The following CHN1 variants were observed in gnomAD, a reference collection of about 807,000 sequenced individuals.
The protein encoded by CHN1 is N-chimaerin.
CHN1 carries 37 observed loss-of-function variants against 59.5 expected under a neutral mutation model. The observed-to-expected ratio is 0.62, with a 90% CI of 0.48 to 0.82. CHN1 has a LOEUF of 0.82. Among genes scored for constraint, CHN1 ranks in the 40% least tolerant of loss-of-function variants. The pLI is 0.00. For missense variants in CHN1, 469 were observed against 571.0 expected (o/e 0.82, Z 1.82); for synonymous variants, 206 against 200.4 (o/e 1.03, Z -0.24).
intron 6 of CHN1, among the ~76,000 whole-genome samples, chr2:174,852,132 T>A (rs939757627): frequency 1.0e-4 from 15 of 147,340 alleles, no homozygotes; most frequent in Non-Finnish European, 1.7e-4. Flanking sequence ...AAAAAAAAAA[T>A]ACAAAAATTA....
chr2:174,858,078 A>C (rs1263088105), intron 6 of CHN1, among the ~76,000 whole-genome samples: 1 of 152,126 alleles, frequency 6.6e-6, no homozygotes, highest in Non-Finnish European at 1.5e-5. Context: ...AATGGAGGCA[A>C]TCTAGTATAT....
chr2:174,955,527 G>A (rs137909300), intron 1 of CHN1, among the ~76,000 whole-genome samples: 10 of 151,966 alleles, frequency 6.6e-5, no homozygotes, highest in Non-Finnish European at 1.5e-4. Context: ...TACCCACTGG[G>A]TACAGTGTAC....
At chr2:174,969,272 G>C (rs1276967471) in intron 1 of CHN1, among the ~76,000 whole-genome samples, 1 of 152,120 alleles carries the variant, frequency 6.6e-6, no homozygotes, top group Non-Finnish European at 1.5e-5. Context: ...CTTTACAACT[G>C]CCTACAAAGA....
intron 1 of CHN1, among the ~76,000 whole-genome samples, chr2:174,972,493 G>A (rs1690789787): frequency 2.0e-5 from 3 of 152,160 alleles, no homozygotes; most frequent in Non-Finnish European, 2.9e-5. Context: ...TACACTTCCT[G>A]TAATATTTAG....
intron 3 of CHN1, among the ~76,000 whole-genome samples, chr2:174,926,844 G>A (rs1197362866): frequency 2.0e-5 from 3 of 151,112 alleles, no homozygotes; most frequent in Non-Finnish European, 2.9e-5. Context: ...TGCAAGCTCC[G>A]CCTCCCAGGT....
At chr2:174,995,143 A>G (rs187841755) in intron 1 of CHN1, among the ~76,000 whole-genome samples, 233 of 152,310 alleles carry the variant, frequency 1.5e-3, no homozygotes, top group African/African-American at 5.1e-3. Flanking sequence ...TTGAGTACCT[A>G]TTATGTGCCA....
chr2:174,976,366 T>C (rs1465467770), intron 1 of CHN1, among the ~76,000 whole-genome samples: 1 of 151,616 alleles, frequency 6.6e-6, no homozygotes, highest in East Asian at 2.0e-4. Context: ...GCCTCCCGAG[T>C]AGCTGGGATC....
chr2:174,809,161 G>A (rs763345540), intron 10 of CHN1, 119 bp from the exon 11 acceptor site: 15 of 896,420 alleles, frequency 1.7e-5, no homozygotes, highest in Non-Finnish European at 2.3e-5. Context: ...AGTTTTTAAC[G>A]TAAAATTTAG....
chr2:174,859,621 T>G lies in CHN1; in HGVS notation c.550-12664A>C, dbSNP rs190849197. On this transcript the variant is annotated intron_variant, in intron 6 of 12. Transcript: ENST00000409900. ...GTGATATGTCATATATACTATTTCA[T>G]TGTAACTTCCTATTCTTGTTTTTCA... Among the ~76,000 whole-genome samples, 22 of 152,328 alleles carry G rather than the reference T, an allele frequency of 1.4e-4. No individual in the cohort carries two copies. In the South Asian group the frequency reaches 3.7e-3, roughly 26 times the overall value.
intron 3 of CHN1, among the ~76,000 whole-genome samples, chr2:174,920,811 A>C (rs1688993942): frequency 6.6e-6 from 1 of 152,164 alleles, no homozygotes; most frequent in South Asian, 2.1e-4. Context: ...ATTCAAGCAC[A>C]TTGCACTTAC....
At chr2:175,004,251 G>A (rs1691988377) in intron 1 of CHN1, among the ~76,000 whole-genome samples, 1 of 152,188 alleles carries the variant, frequency 6.6e-6, no homozygotes, top group Non-Finnish European at 1.5e-5. Flanking sequence ...CAACAGTGCT[G>A]CAGTAATTAC....
intron 1 of CHN1, among the ~76,000 whole-genome samples, chr2:174,995,261 GCA>G (rs1389595750): frequency 1.3e-5 from 2 of 152,076 alleles, no homozygotes; most frequent in African/African-American, 4.8e-5. Flanking sequence ...TTTCAATTAC[GCA>G]CAGTCAACTG....
chr2:174,900,585 C>T (rs1222601635), intron 5 of CHN1, among the ~76,000 whole-genome samples: 1 of 152,204 alleles, frequency 6.6e-6, no homozygotes, highest in Non-Finnish European at 1.5e-5. Flanking sequence ...GCGGGTGGAT[C>T]ACCTGAGGTC....
At chr2:174,956,843 T>C (rs1468989027) in intron 1 of CHN1, among the ~76,000 whole-genome samples, 2 of 150,398 alleles carry the variant, frequency 1.3e-5, no homozygotes, top group East Asian at 2.0e-4. Flanking sequence ...ATGCAGCAAA[T>C]AGAGTCATTT....
At chr2:174,880,751 T>C (rs1030276448) in intron 5 of CHN1, among the ~76,000 whole-genome samples, 5 of 152,064 alleles carry the variant, frequency 3.3e-5, no homozygotes, top group African/African-American at 9.7e-5. Context: ...GTGCTAAATT[T>C]AAAAAAGTCT....
chr2:174,909,441 T>C (rs1688627149), intron 5 of CHN1, among the ~76,000 whole-genome samples: 1 of 152,186 alleles, frequency 6.6e-6, no homozygotes, highest in Non-Finnish European at 1.5e-5. Flanking sequence ...GAGATGTTAC[T>C]GGTCCAAGAA....
rs75018010 is a variant in CHN1, at chr2:174,894,787, G to A, written c.261-16659C>T. ...AGTAGTCCACCTCATACATGGTTTCGTTTTCTGTGGTTTCAGTTACCTATG... is the reference window on the plus strand; with the variant it reads ...AGTAGTCCACCTCATACATGGTTTCATTTTCTGTGGTTTCAGTTACCTATG... On this transcript the variant is annotated intron_variant, in intron 5 of 12. Coordinates refer to ENST00000409900, the MANE Select transcript of CHN1 (RefSeq NM_001822.7). 4.4e-3 allele frequency among the ~76,000 whole-genome samples: 672 copies of A among 152,088 alleles called. 12 individuals are homozygous for A. In the East Asian group the frequency reaches 0.078, roughly 18 times the overall value.
intron 7 of CHN1, among the ~76,000 whole-genome samples, chr2:174,826,692 C>T (rs569969993): frequency 6.6e-6 from 1 of 152,296 alleles, no homozygotes; most frequent in Admixed American, 6.5e-5. Flanking sequence ...TTTAATAGAA[C>T]CAATCCTTTC....
At chr2:174,943,505 A>G (rs1193631) in intron 3 of CHN1, among the ~76,000 whole-genome samples, 98,010 of 151,970 alleles carry the variant, frequency 0.64, 33,259 homozygotes, top group African/African-American at 0.86. Flanking sequence ...GATTACAGGC[A>G]TGAGCCATCA....
Sources: gnomAD v4.1 joint callset for allele counts (sites outside exome capture counted in the v4.1 genomes callset) on GRCh38, gnomAD v4.1.1 for gene constraint, MANE v1.5 for transcripts, NCBI Gene and HGNC (gene_info 2026-07-23, HGNC 2026-07-21) for gene names.